CSGALNACT1: variants seen among roughly 807,000 people sequenced by gnomAD.
CSGALNACT1 encodes beta4GalNAcT-1.
A neutral mutation model predicts 51.0 loss-of-function variants in CSGALNACT1; 52 were observed. That is an observed-to-expected ratio of 1.02 (90% CI 0.82 to 1.29). CSGALNACT1 has a LOEUF of 1.29. Ranked by LOEUF, CSGALNACT1 falls within the 50% of genes most tolerant of loss-of-function variation. CSGALNACT1 has a pLI of 0.00. For missense variants in CSGALNACT1, 935 were observed against 679.2 expected (o/e 1.38, Z -4.19); for synonymous variants, 341 against 254.4 (o/e 1.34, Z -3.24).
intron 1 of CSGALNACT1, among the ~76,000 whole-genome samples, chr8:19,694,403 T>A (rs897296615): frequency 4.6e-5 from 7 of 152,244 alleles, no homozygotes; most frequent in East Asian, 1.9e-4. Context: ...TGTTGAATTA[T>A]CCTTAACAAC....
At chr8:19,605,146 C>T (rs1415735948), upstream of CSGALNACT1, among the ~76,000 whole-genome samples, 1 of 152,162 alleles carries the variant, frequency 6.6e-6, no homozygotes, top group Non-Finnish European at 1.5e-5. Context: ...AAAACTAAAT[C>T]CAGGAAAGCG....
intron 3 of CSGALNACT1, among the ~76,000 whole-genome samples, chr8:19,548,442 G>GT (rs1800762376): frequency 6.6e-6 from 1 of 151,970 alleles, no homozygotes; most frequent in Admixed American, 6.6e-5. Flanking sequence ...ACTCACTGCT[G>GT]TTTTTCTCAA....
intron 6 of CSGALNACT1, among the ~76,000 whole-genome samples, chr8:19,427,973 T>G (rs2059038923): frequency 6.6e-6 from 1 of 152,064 alleles, no homozygotes; most frequent in South Asian, 2.1e-4. Flanking sequence ...AGGTGTAGGA[T>G]AAGACACATA....
intron 1 of CSGALNACT1, among the ~76,000 whole-genome samples, chr8:19,694,117 A>G (rs1589552514): frequency 1.3e-5 from 2 of 152,358 alleles, no homozygotes; most frequent in East Asian, 3.9e-4. Context: ...TTAAGTGAAT[A>G]TTTAATTTAA....
exon 4 of CSGALNACT1, chr8:19,505,757 G>A: frequency 1.2e-6 from 2 of 1,614,138 alleles, no homozygotes; most frequent in East Asian, 2.2e-5. Context: ...ACAGGACAGA[G>A]ATAGCACAGC....
intron 1 of CSGALNACT1, among the ~76,000 whole-genome samples, chr8:19,714,397 G>T (rs915404660): frequency 6.6e-6 from 1 of 150,636 alleles, no homozygotes; most frequent in Non-Finnish European, 1.5e-5. Flanking sequence ...TCTGTAATTT[G>T]GTGTCTGTCA....
intron 4 of CSGALNACT1, among the ~76,000 whole-genome samples, chr8:19,462,074 A>T (rs2065678915): frequency 6.6e-6 from 1 of 152,240 alleles, no homozygotes; most frequent in African/African-American, 2.4e-5. Context: ...CATTCACCAC[A>T]GATGGTATCT....
chr8:19,463,006 T>C (rs926416112), intron 4 of CSGALNACT1, among the ~76,000 whole-genome samples: 1 of 152,214 alleles, frequency 6.6e-6, no homozygotes, highest in Non-Finnish European at 1.5e-5. Context: ...CCCCAGTGTC[T>C]AACGTTCCCT....
intron 3 of CSGALNACT1, among the ~76,000 whole-genome samples, chr8:19,533,024 T>C (rs2083077894): frequency 6.6e-6 from 1 of 152,232 alleles, no homozygotes; most frequent in Admixed American, 6.5e-5. Context: ...TTAAGACTTA[T>C]CTTAAATATT....
At chr8:19,653,009 A>G (rs2057950667) in intron 1 of CSGALNACT1, among the ~76,000 whole-genome samples, 1 of 152,184 alleles carries the variant, frequency 6.6e-6, no homozygotes, top group Non-Finnish European at 1.5e-5. Flanking sequence ...AACTACTTAT[A>G]AGTTTGGGAG....
chr8:19,675,538 G>A (rs2060112606), intron 1 of CSGALNACT1, among the ~76,000 whole-genome samples: 1 of 152,090 alleles, frequency 6.6e-6, no homozygotes, highest in Non-Finnish European at 1.5e-5. Context: ...ACCAAGGCTG[G>A]AGTGAGTACA....
intron 3 of CSGALNACT1, among the ~76,000 whole-genome samples, chr8:19,584,351 G>A (rs1344031239): frequency 6.6e-6 from 1 of 152,154 alleles, no homozygotes; most frequent in Non-Finnish European, 1.5e-5. Flanking sequence ...GCCTTTGCAA[G>A]TCTATGGTGA....
At chr8:19,675,217 C>T (rs1240747917) in intron 1 of CSGALNACT1, among the ~76,000 whole-genome samples, 23 of 152,142 alleles carry the variant, frequency 1.5e-4, no homozygotes. Flanking sequence ...ACAGCAACTA[C>T]CTGAGAACTA....
At chr8:19,752,903 T>C (rs1184055501) in intron 1 of CSGALNACT1, among the ~76,000 whole-genome samples, 1 of 152,258 alleles carries the variant, frequency 6.6e-6, no homozygotes, top group Non-Finnish European at 1.5e-5. Context: ...ACAATTATTT[T>C]TGTGCAGGCA....
chr8:19,606,314 G>T (rs200292728), upstream of CSGALNACT1, among the ~76,000 whole-genome samples: 33 of 152,248 alleles, frequency 2.2e-4, no homozygotes, highest in East Asian at 6.4e-3. Flanking sequence ...TTAAATCAGT[G>T]AAGTCCCTTA....
chr8:19,530,018 G>C (rs915716948), intron 3 of CSGALNACT1, among the ~76,000 whole-genome samples: 2 of 151,984 alleles, frequency 1.3e-5, no homozygotes, highest in Non-Finnish European at 2.9e-5. Context: ...TCAGGAGTTG[G>C]AGTCCAGCCT....
chr8:19,671,991 C>T (rs2059828678), intron 1 of CSGALNACT1, among the ~76,000 whole-genome samples: 1 of 152,104 alleles, frequency 6.6e-6, no homozygotes, highest in African/African-American at 2.4e-5. Context: ...TTTAAAAAAG[C>T]TATTATAAAT....
At chr8:19,633,252 C>T (rs2055550485) in intron 1 of CSGALNACT1, among the ~76,000 whole-genome samples, 1 of 152,072 alleles carries the variant, frequency 6.6e-6, no homozygotes, top group Non-Finnish European at 1.5e-5. Context: ...TGGAGAGTTC[C>T]AAGTATCTAA....
intron 1 of CSGALNACT1, among the ~76,000 whole-genome samples, chr8:19,756,502 G>A (rs10101032): frequency 0.34 from 51,695 of 152,028 alleles, 9,232 homozygotes; most frequent in African/African-American, 0.41. Flanking sequence ...GAATGCAGGT[G>A]CAGGAAGTGC....
Sources: gnomAD v4.1 joint callset for allele counts (sites outside exome capture counted in the v4.1 genomes callset) on GRCh38, gnomAD v4.1.1 for gene constraint, MANE v1.5 for transcripts, NCBI Gene and HGNC (gene_info 2026-07-23, HGNC 2026-07-21) for gene names.